The following RPTOR variants were observed in gnomAD, a reference collection of about 807,000 sequenced individuals.
The protein encoded by RPTOR is regulatory-associated protein of mTOR.
Under a neutral mutation model 169.9 loss-of-function variants are expected in RPTOR, and 21 were observed. The observed-to-expected ratio is 0.12, with a 90% CI of 0.09 to 0.18. The LOEUF is 0.18. RPTOR is among the 10% of genes least tolerant of loss of function. RPTOR has a pLI of 1.00. For synonymous variants in RPTOR, 732 were observed against 753.2 expected (o/e 0.97, Z 0.46); for missense variants, 1,133 against 1,855.9 (o/e 0.61, Z 7.16).
At chr17:80,956,776 G>A (rs958698819) in intron 28 of RPTOR, among the ~76,000 whole-genome samples, 6 of 152,232 alleles carry the variant, frequency 3.9e-5, no homozygotes, top group East Asian at 1.9e-4. Flanking sequence ...GCACTGCTCC[G>A]GATGTTGGGC....
chr17:80,591,524 G>A (rs534774105), intron 1 of RPTOR, among the ~76,000 whole-genome samples: 6 of 151,052 alleles, frequency 4.0e-5, no homozygotes, highest in Admixed American at 1.3e-4. Context: ...GACTACAGGC[G>A]CACACCACAA....
intron 6 of RPTOR, among the ~76,000 whole-genome samples, chr17:80,779,969 G>T (rs903069561): frequency 4.6e-5 from 7 of 152,060 alleles, no homozygotes; most frequent in Admixed American, 1.3e-4. Context: ...GGGTACCCAG[G>T]CTCCACTCCT....
chr17:80,729,079 A>T (rs1271499097), intron 4 of RPTOR, among the ~76,000 whole-genome samples: 2 of 152,182 alleles, frequency 1.3e-5, no homozygotes, highest in African/African-American at 4.8e-5. Context: ...GATATAACTT[A>T]CGTCTGAGAT....
chr17:80,664,848 G>A (rs866109206), intron 3 of RPTOR, among the ~76,000 whole-genome samples: 1 of 152,148 alleles, frequency 6.6e-6, no homozygotes, highest in African/African-American at 2.4e-5. Context: ...TTCTTACAAA[G>A]TGAAATATAC....
rs148737017 is a variant in RPTOR at position 80,954,310 on chromosome 17, C to T, written c.3371-3314C>T. Among the ~76,000 whole-genome samples the T allele has an allele frequency of 6.8e-4, 103 of 152,218 alleles. 1 individual carries two copies. The East Asian group carries it at 0.019, about 27-fold the overall frequency. On this transcript the variant is annotated intron_variant, in intron 28 of 33. Transcript: ENST00000306801. Reference sequence around the variant, plus strand: ...CTATTTTGTGTATTTTTAGTAGAGACGGTGTTTCACTATGTTGGCCAGGCT... The same window carrying T: ...CTATTTTGTGTATTTTTAGTAGAGATGGTGTTTCACTATGTTGGCCAGGCT...
At chr17:80,636,827 A>T (rs551343546) in intron 2 of RPTOR, among the ~76,000 whole-genome samples, 8 of 152,222 alleles carry the variant, frequency 5.3e-5, no homozygotes, top group South Asian at 2.1e-4. Context: ...CTGCTTCCTG[A>T]ATCCGTGCCT....
chr17:80,902,475 C>G (rs1006290481), intron 20 of RPTOR, among the ~76,000 whole-genome samples: 4 of 152,232 alleles, frequency 2.6e-5, no homozygotes, highest in Non-Finnish European at 4.4e-5. Flanking sequence ...GGTGCCTGAC[C>G]CAGTACATCA....
chr17:80,787,804 G>T (rs1034572918), intron 6 of RPTOR, among the ~76,000 whole-genome samples: 2 of 152,098 alleles, frequency 1.3e-5, no homozygotes, highest in East Asian at 3.9e-4. Context: ...CCATAGTTAT[G>T]TCCTCATCTT....
intron 7 of RPTOR, chr17:80,801,940 C>G (rs926661485): frequency 1.3e-5 from 2 of 152,206 alleles, no homozygotes; most frequent in African/African-American, 4.8e-5. Context: ...CACGGGGGTC[C>G]TTATGCCCGG....
chr17:80,692,938 G>A (rs2066004965), intron 3 of RPTOR, among the ~76,000 whole-genome samples: 1 of 152,184 alleles, frequency 6.6e-6, no homozygotes, highest in South Asian at 2.1e-4. Flanking sequence ...TTAATAATAT[G>A]TGTACCACAT....
chr17:80,751,243 T>G (rs2066627366), intron 5 of RPTOR, among the ~76,000 whole-genome samples: 1 of 152,160 alleles, frequency 6.6e-6, no homozygotes, highest in Non-Finnish European at 1.5e-5. Flanking sequence ...GCTTTCGTGT[T>G]GGCGTCGTAG....
At chr17:80,770,605 C>T (rs956487417) in intron 6 of RPTOR, among the ~76,000 whole-genome samples, 2 of 152,214 alleles carry the variant, frequency 1.3e-5, no homozygotes, top group African/African-American at 2.4e-5. Context: ...TGGAGGACAA[C>T]GATATCATCA....
intron 3 of RPTOR, among the ~76,000 whole-genome samples, chr17:80,679,168 G>A (rs919248526): frequency 1.4e-4 from 22 of 152,360 alleles, no homozygotes; most frequent in Middle Eastern, 3.4e-3. Context: ...GCCTGAACTC[G>A]GGAGGCGGAA....
At chr17:80,922,452 C>G (rs2068757027) in intron 21 of RPTOR, among the ~76,000 whole-genome samples, 1 of 152,348 alleles carries the variant, frequency 6.6e-6, no homozygotes, top group Middle Eastern at 3.4e-3. Context: ...TCAGGAGCCT[C>G]AGGCAGAGCT....
At chr17:80,809,462 A>T (rs1411689725) in intron 7 of RPTOR, among the ~76,000 whole-genome samples, 1 of 152,224 alleles carries the variant, frequency 6.6e-6, no homozygotes, top group Non-Finnish European at 1.5e-5. Context: ...AAGTGCCGGG[A>T]TTACAGGCGT....
chr17:80,738,741 T>A (rs2066456256), intron 5 of RPTOR, among the ~76,000 whole-genome samples: 1 of 152,250 alleles, frequency 6.6e-6, no homozygotes, highest in Non-Finnish European at 1.5e-5. Flanking sequence ...ATGCCTCACG[T>A]TAAATTGATG....
At chr17:80,667,864 C>T (rs570844126) in intron 3 of RPTOR, among the ~76,000 whole-genome samples, 77 of 152,262 alleles carry the variant, frequency 5.1e-4, no homozygotes, top group African/African-American at 1.8e-3. Context: ...CGGTTCCCAC[C>T]GGCAGCCTGG....
chr17:80,713,761 A>G (rs2066216707), intron 4 of RPTOR, among the ~76,000 whole-genome samples: 1 of 152,150 alleles, frequency 6.6e-6, no homozygotes, highest in African/African-American at 2.4e-5. Flanking sequence ...TGAGCCAGGC[A>G]CACACCATCC....
At position 80,960,231 on chromosome 17, in the gene RPTOR, C is replaced by A. The variant is rs2069318113; in HGVS notation, c.3605+26C>A. The A allele has an allele frequency of 6.2e-7, 1 of 1,612,510 alleles. No homozygotes were observed. The highest frequency in any genetic ancestry group is 1.3e-5 in the African/African-American group (1 of 75,054). On this transcript the variant is annotated intron_variant, in intron 30 of 33. Coordinates refer to ENST00000306801, the MANE Select transcript of RPTOR (RefSeq NM_020761.3). The surrounding 1 kb of genome is among the most constrained non-coding windows in gnomAD (Gnocchi z 4.8). ...GTACCTTGACCCTGTCCTCTCCCTC[C>A]CCGAGTGCTGGCAGGGTACCTTCCA... is the stretch of plus-strand genomic sequence containing the variant.
Sources: gnomAD v4.1 joint callset for allele counts (sites outside exome capture counted in the v4.1 genomes callset) on GRCh38, gnomAD v4.1.1 for gene constraint, Gnocchi (gnomAD v3.1) non-coding constraint, MANE v1.5 for transcripts, NCBI Gene and HGNC (gene_info 2026-07-23, HGNC 2026-07-21) for gene names.